Variants in NRXN1 observed in about 807,000 individuals in gnomAD.
NRXN1 encodes the protein neurexin 1.
In NRXN1, 39 loss-of-function variants were observed where a neutral mutation model predicts 150.9. The observed-to-expected ratio is 0.26, with a 90% CI of 0.20 to 0.34. The LOEUF is 0.34. Ranked by LOEUF, NRXN1 falls within the 10% of genes least tolerant of loss-of-function variation. The pLI is 1.00. For synonymous variants in NRXN1, 924 were observed against 757.0 expected (o/e 1.22, Z -3.62); for missense variants, 1,815 against 1,949.9 (o/e 0.93, Z 1.30).
chr2:50,979,193 C>T (rs1304076455), intron 2 of NRXN1: 5 of 500,164 alleles, frequency 1.0e-5, no homozygotes, highest in African/African-American at 5.9e-5. Context: ...AATTTAATTA[C>T]AGAAAGTAAG....
chr2:50,290,600 A>C lies in NRXN1; in HGVS notation c.3365-53630T>G, dbSNP rs1383651246. Among the ~76,000 whole-genome samples the C allele has an allele frequency of 2.6e-5, 4 of 152,178 alleles. No individual in the cohort carries two copies. The South Asian group carries it at 8.3e-4, about 31-fold the overall frequency. On this transcript the variant is annotated intron_variant, in intron 17 of 22. Transcript: ENST00000401669. ...AGTTTCCTACGTTCTCTAGCCAGCT[A>C]GGCAACAAGCTCTCCATGAAGGAGG...
chr2:50,370,935 T>G (rs2079974376), intron 17 of NRXN1, among the ~76,000 whole-genome samples: 1 of 152,014 alleles, frequency 6.6e-6, no homozygotes, highest in Admixed American at 6.6e-5. Context: ...CACAAATGAC[T>G]GGCATACAAC....
chr2:50,529,496 A>T (rs2093042369), intron 11 of NRXN1, among the ~76,000 whole-genome samples: 1 of 152,230 alleles, frequency 6.6e-6, no homozygotes, highest in South Asian at 2.1e-4. Flanking sequence ...GGTTATTTTT[A>T]AAAGACTGTA....
At chr2:51,020,574 T>A (rs552003359) in intron 2 of NRXN1, among the ~76,000 whole-genome samples, 2 of 152,066 alleles carry the variant, frequency 1.3e-5, no homozygotes, top group South Asian at 4.1e-4. Context: ...CCATTTAATA[T>A]CTCCCACAAA....
At chr2:50,774,629 C>T (rs1703388564) in intron 5 of NRXN1, among the ~76,000 whole-genome samples, 1 of 152,030 alleles carries the variant, frequency 6.6e-6, no homozygotes, top group Non-Finnish European at 1.5e-5. Flanking sequence ...ATTGACTAGA[C>T]TATGCATTTA....
intron 21 of NRXN1, among the ~76,000 whole-genome samples, chr2:50,002,894 T>A (rs1358238939): frequency 6.6e-6 from 1 of 152,046 alleles, no homozygotes; most frequent in Non-Finnish European, 1.5e-5. Flanking sequence ...TTGAGAAAAG[T>A]TACAAGGGCA....
chr2:49,982,483 AAC>A (rs1680146666), intron 21 of NRXN1, among the ~76,000 whole-genome samples: 1 of 151,488 alleles, frequency 6.6e-6, no homozygotes, highest in African/African-American at 2.4e-5. Context: ...ACTTAAAAAA[AAC>A]ACACAAAATC....
chr2:50,219,748 C>T (rs1368342214), intron 18 of NRXN1, among the ~76,000 whole-genome samples: 1 of 149,118 alleles, frequency 6.7e-6, no homozygotes, highest in Non-Finnish European at 1.5e-5. Flanking sequence ...ATTAGTTGGG[C>T]ATGGTGGCAC....
chr2:50,202,128 A>G (rs1046755948), intron 18 of NRXN1, among the ~76,000 whole-genome samples: 1 of 152,210 alleles, frequency 6.6e-6, no homozygotes, highest in Non-Finnish European at 1.5e-5. Context: ...TTAATTTACC[A>G]TAATGGACAC....
intron 8 of NRXN1, among the ~76,000 whole-genome samples, chr2:50,559,598 AACACATAT>A (rs1668750688): frequency 6.6e-6 from 1 of 152,166 alleles, no homozygotes; most frequent in South Asian, 2.1e-4. Flanking sequence ...ATATGTGATC[AACACATAT>A]ACACATAGAC....
At chr2:49,991,231 C>G (rs11897428) in intron 21 of NRXN1, among the ~76,000 whole-genome samples, 1 of 151,588 alleles carries the variant, frequency 6.6e-6, no homozygotes, top group Non-Finnish European at 1.5e-5. Flanking sequence ...TTACTAGCTA[C>G]TGCAATAAGA....
At chr2:50,442,645 G>A (rs1444885015) in intron 17 of NRXN1, among the ~76,000 whole-genome samples, 1 of 152,106 alleles carries the variant, frequency 6.6e-6, no homozygotes, top group African/African-American at 2.4e-5. Flanking sequence ...TGACATGTCT[G>A]GGCTAATGAC....
chr2:50,315,752 A>C (rs895496337), intron 17 of NRXN1, among the ~76,000 whole-genome samples: 1 of 152,148 alleles, frequency 6.6e-6, no homozygotes, highest in Non-Finnish European at 1.5e-5. Context: ...CATTATCAAA[A>C]AATAACATCA....
At chr2:50,155,598 G>C (rs1258321369) in intron 18 of NRXN1, among the ~76,000 whole-genome samples, 1 of 151,444 alleles carries the variant, frequency 6.6e-6, no homozygotes, top group Non-Finnish European at 1.5e-5. Flanking sequence ...CAAGTTTAAA[G>C]CTTTAAGATT....
chr2:50,535,235 T>A (rs2093224756), intron 10 of NRXN1, among the ~76,000 whole-genome samples: 2 of 152,262 alleles, frequency 1.3e-5, no homozygotes, highest in Admixed American at 6.5e-5. Context: ...TATTTCATCA[T>A]TTAGAATATA....
chr2:50,415,404 T>C (rs560700288), intron 17 of NRXN1, among the ~76,000 whole-genome samples: 1 of 152,212 alleles, frequency 6.6e-6, no homozygotes, highest in African/African-American at 2.4e-5. Context: ...CTTCACTAGA[T>C]TGACAAAGTG....
chr2:50,047,590 T>C (rs764275890), intron 21 of NRXN1, among the ~76,000 whole-genome samples: 3 of 152,088 alleles, frequency 2.0e-5, no homozygotes, highest in Non-Finnish European at 4.4e-5. Context: ...TGAAGATTAA[T>C]ATACCAAAGT....
At chr2:50,384,162 G>C (rs1030114603) in intron 17 of NRXN1, among the ~76,000 whole-genome samples, 10 of 152,144 alleles carry the variant, frequency 6.6e-5, no homozygotes, top group African/African-American at 2.2e-4. Context: ...AAATTAGCTA[G>C]TAAATGTTTT....
At chr2:50,033,331 C>A (rs891654785) in intron 21 of NRXN1, among the ~76,000 whole-genome samples, 1 of 152,028 alleles carries the variant, frequency 6.6e-6, no homozygotes, top group Non-Finnish European at 1.5e-5. Context: ...TGCACACCTA[C>A]AACCATCTGA....
Sources: gnomAD v4.1 joint callset for allele counts (sites outside exome capture counted in the v4.1 genomes callset) on GRCh38, gnomAD v4.1.1 for gene constraint, MANE v1.5 for transcripts, NCBI Gene and HGNC (gene_info 2026-07-23, HGNC 2026-07-21) for gene names.